Variants in SPNS3 observed in about 807,000 individuals in gnomAD.
The protein encoded by SPNS3 is SPNS lysolipid transporter 3, sphingosine-1-phosphate (putative), also known as protein spinster homolog 3.
A neutral mutation model predicts 54.4 loss-of-function variants in SPNS3; 51 were observed. That is an observed-to-expected ratio of 0.94 (90% CI 0.75 to 1.18). SPNS3 has a LOEUF of 1.18. Among genes scored for constraint, SPNS3 ranks in the 50% most tolerant of loss-of-function variants. SPNS3 has a pLI of 0.00. For missense variants in SPNS3, 669 were observed against 677.4 expected (o/e 0.99, Z 0.14); for synonymous variants, 309 against 294.7 (o/e 1.05, Z -0.50).
intron 9 of SPNS3, among the ~76,000 whole-genome samples, chr17:4,481,421 G>A (rs1230169907): frequency 1.3e-5 from 2 of 152,150 alleles, no homozygotes; most frequent in Non-Finnish European, 2.9e-5. Flanking sequence ...GGCCCAGGGA[G>A]GGAGGAGGCC....
intron 8 of SPNS3, among the ~76,000 whole-genome samples, chr17:4,469,111 T>G (rs1313763700): frequency 6.8e-6 from 1 of 148,138 alleles, no homozygotes; most frequent in Non-Finnish European, 1.5e-5. Flanking sequence ...CTAAGACAGG[T>G]TCTTGCTCTG....
chr17:4,444,937 G>A (rs1179636323), intron 2 of SPNS3, 95 bp from the exon 3 acceptor site: 5 of 1,433,928 alleles, frequency 3.5e-6, no homozygotes, highest in Non-Finnish European at 4.7e-6. Flanking sequence ...GCCAGCTTGT[G>A]GCATCTGAGT....
chr17:4,464,351 C>T (rs761411288), intron 8 of SPNS3, among the ~76,000 whole-genome samples: 28 of 152,282 alleles, frequency 1.8e-4, no homozygotes, highest in South Asian at 6.2e-4. Context: ...TAGGTTTGTG[C>T]TCAGAGGAGG....
At chr17:4,478,964 C>T (rs1972085925) in intron 9 of SPNS3, among the ~76,000 whole-genome samples, 1 of 152,064 alleles carries the variant, frequency 6.6e-6, no homozygotes, top group African/African-American at 2.4e-5. Context: ...TTTTTTGAGA[C>T]AGAGTTTCAC....
chr17:4,468,773 T>TC (rs1399974479), intron 8 of SPNS3, among the ~76,000 whole-genome samples: 1,038 of 103,284 alleles, frequency 0.01, 11 homozygotes, highest in African/African-American at 0.032. Flanking sequence ...CTCTTTCTTT[T>TC]TCTTTCTTTC....
chr17:4,452,620 G>C (rs991596466), intron 7 of SPNS3, among the ~76,000 whole-genome samples: 1 of 152,038 alleles, frequency 6.6e-6, no homozygotes, highest in Non-Finnish European at 1.5e-5. Context: ...CTGGGAGCTG[G>C]AAAGAGAGAA....
chr17:4,440,824 C>T (rs947143294), intron 2 of SPNS3, among the ~76,000 whole-genome samples: 1 of 152,138 alleles, frequency 6.6e-6, no homozygotes, highest in Non-Finnish European at 1.5e-5. Context: ...AGGCTACAAG[C>T]GCAGGCAAGG....
chr17:4,464,280 G>T (rs1971620500), intron 8 of SPNS3, among the ~76,000 whole-genome samples: 1 of 152,220 alleles, frequency 6.6e-6, no homozygotes. Flanking sequence ...CACACAGCAG[G>T]TCTTGGCTTA....
rs999369488 is a variant in SPNS3, at chr17:4,483,817, G to C, written c.1180-2411G>C. On this transcript the variant is annotated intron_variant, in intron 9 of 11. Transcript: ENST00000355530. The surrounding 1 kb of genome is among the most constrained non-coding windows in gnomAD (Gnocchi z 4.2). ...ACCCTGGGACCAGCGAGTCACTACAGTGCCTCCTGCCACTCTGCCCTGCCC... is the reference window on the plus strand; with the variant it reads ...ACCCTGGGACCAGCGAGTCACTACACTGCCTCCTGCCACTCTGCCCTGCCC... Among the ~76,000 whole-genome samples, 13 of 152,050 alleles carry C rather than the reference G, an allele frequency of 8.5e-5. No individual in the cohort carries two copies. The highest frequency in any genetic ancestry group is 7.2e-4 in the Admixed American group (11 of 15,258).
intron 8 of SPNS3, among the ~76,000 whole-genome samples, chr17:4,466,955 G>C (rs1971692372): frequency 6.6e-6 from 1 of 152,170 alleles, no homozygotes; most frequent in Admixed American, 6.5e-5. Context: ...CAGGGCCAGG[G>C]GAGGCCTTGT....
At chr17:4,437,147 G>T in intron 1 of SPNS3, among the ~76,000 whole-genome samples, 1 of 152,122 alleles carries the variant, frequency 6.6e-6, no homozygotes, top group East Asian at 1.9e-4. Flanking sequence ...AAATGTTCTT[G>T]CAGGAAACAG....
chr17:4,449,143 A>G, intron 6 of SPNS3, 92 bp from the exon 7 acceptor site: 1 of 1,431,472 alleles, frequency 7.0e-7, no homozygotes, highest in Non-Finnish European at 9.4e-7. Context: ...AAGATGGGAA[A>G]GTTCCTAGAC....
intron 9 of SPNS3, among the ~76,000 whole-genome samples, chr17:4,481,249 G>A (rs2144220937): frequency 6.6e-6 from 1 of 152,000 alleles, no homozygotes. Context: ...GTTTGAGGGT[G>A]AGCTGGGGGT....
At chr17:4,459,550 A>G (rs184303723) in intron 8 of SPNS3, among the ~76,000 whole-genome samples, 2 of 152,162 alleles carry the variant, frequency 1.3e-5, no homozygotes, top group Admixed American at 6.6e-5. Flanking sequence ...TGTCTCTACT[A>G]AAAATACAAA....
In SPNS3 at chr17:4,457,240, A is replaced by C. The variant is rs527350434; in HGVS notation, c.1113+4035A>C. Among the ~76,000 whole-genome samples, 3 of 152,298 alleles carry C rather than the reference A, an allele frequency of 2.0e-5. No individual in the cohort carries two copies. The South Asian group carries it at 6.2e-4, about 32-fold the overall frequency. On this transcript the variant is annotated intron_variant, in intron 8 of 11. Coordinates refer to ENST00000355530, the MANE Select transcript of SPNS3 (RefSeq NM_182538.5). The stretch of plus-strand genomic sequence containing the variant: ...GACCCTGTCTCTACAGAAAATTAAA[A>C]AATTAGTTGGACATGGTGGCACATG...
chr17:4,480,140 G>T (rs1012997993), intron 9 of SPNS3, among the ~76,000 whole-genome samples: 5 of 152,028 alleles, frequency 3.3e-5, no homozygotes, highest in African/African-American at 1.2e-4. Flanking sequence ...CACGGCCCAG[G>T]CCCAGCGAGT....
chr17:4,469,241 G>A (rs963678878), intron 8 of SPNS3, among the ~76,000 whole-genome samples: 3 of 151,894 alleles, frequency 2.0e-5, no homozygotes, highest in Non-Finnish European at 4.4e-5. Flanking sequence ...GTGAGCCACC[G>A]TGCCCAGCTA....
At chr17:4,470,440 G>C (rs1485132179) in intron 8 of SPNS3, among the ~76,000 whole-genome samples, 1 of 151,920 alleles carries the variant, frequency 6.6e-6, no homozygotes, top group Non-Finnish European at 1.5e-5. Flanking sequence ...AATAATATTA[G>C]TAATAATTAA....
intron 7 of SPNS3, among the ~76,000 whole-genome samples, chr17:4,452,560 T>A (rs1971194007): frequency 6.6e-6 from 1 of 151,838 alleles, no homozygotes; most frequent in Non-Finnish European, 1.5e-5. Flanking sequence ...GCCAGGTGTA[T>A]CACAGGGGCT....
Sources: gnomAD v4.1 joint callset for allele counts (sites outside exome capture counted in the v4.1 genomes callset) on GRCh38, gnomAD v4.1.1 for gene constraint, Gnocchi (gnomAD v3.1) non-coding constraint, MANE v1.5 for transcripts, NCBI Gene and HGNC (gene_info 2026-07-23, HGNC 2026-07-21) for gene names.